TMEM132C: variants seen among roughly 807,000 people sequenced by gnomAD.
TMEM132C encodes the protein protein phosphatase 1, regulatory subunit 152.
Under a neutral mutation model 61.4 loss-of-function variants are expected in TMEM132C, and 29 were observed. The observed-to-expected ratio is 0.47, with a 90% CI of 0.35 to 0.64. The LOEUF is 0.64. Ranked by LOEUF, TMEM132C falls within the 30% of genes least tolerant of loss-of-function variation. The pLI, the probability that TMEM132C is intolerant of heterozygous loss-of-function variation, is 0.00. For missense variants in TMEM132C, 1,408 were observed against 1,476.9 expected, an observed-to-expected ratio of 0.95 and a Z score of 0.76; for synonymous variants, 656 against 633.1, an observed-to-expected ratio of 1.04 and a Z score of -0.54.
chr12:128,423,664 G>A (rs1038168675), intron 2 of TMEM132C, among the ~76,000 whole-genome samples: 3 of 151,992 alleles, frequency 2.0e-5, no homozygotes, highest in African/African-American at 7.3e-5. Context: ...GAACCCAGGA[G>A]TTCAAGTCCA....
intron 1 of TMEM132C, among the ~76,000 whole-genome samples, chr12:128,330,240 C>T (rs906466406): frequency 6.6e-6 from 1 of 152,248 alleles, no homozygotes; most frequent in Non-Finnish European, 1.5e-5. Flanking sequence ...CCAGTCACAA[C>T]AGCCCACATC....
intron 3 of TMEM132C, among the ~76,000 whole-genome samples, chr12:128,547,127 C>T (rs969427812): frequency 3.9e-5 from 6 of 152,212 alleles, no homozygotes; most frequent in Non-Finnish European, 4.4e-5. Flanking sequence ...GCAATGGTGT[C>T]GCCCTTCCTG....
rs1292877144 is a variant in TMEM132C, at chr12:128,278,198, G to T, written c.85+10711G>T. The stretch of plus-strand genomic sequence containing the variant: ...ATCTCAGGGGAAGTCTATGTTTCGG[G>T]GCATTTGTTCTGCTCCGGCTTTGTT... On this transcript the variant is annotated intron_variant, in intron 1 of 8. Coordinates refer to ENST00000435159, the MANE Select transcript of TMEM132C (RefSeq NM_001136103.3). The surrounding 1 kb of genome is among the most constrained non-coding windows in gnomAD (Gnocchi z 4.2). Among the ~76,000 whole-genome samples, 1 of 152,104 alleles carries T rather than the reference G, an allele frequency of 6.6e-6. No homozygotes were observed. The highest frequency in any genetic ancestry group is 2.4e-5 in the African/African-American group (1 of 41,424).
At chr12:128,316,328 C>T (rs896063615) in intron 1 of TMEM132C, among the ~76,000 whole-genome samples, 4 of 152,120 alleles carry the variant, frequency 2.6e-5, no homozygotes, top group African/African-American at 4.8e-5. Context: ...ACCACTGGGG[C>T]GAGGTTCCCT....
intron 4 of TMEM132C, among the ~76,000 whole-genome samples, chr12:128,621,835 G>C (rs1821271881): frequency 1.3e-5 from 2 of 152,156 alleles, no homozygotes; most frequent in Admixed American, 1.3e-4. Context: ...ACAGCTCCCA[G>C]CTGGGACTAG....
intron 5 of TMEM132C, among the ~76,000 whole-genome samples, chr12:128,687,920 G>A (rs12309317): frequency 0.14 from 21,890 of 152,064 alleles, 1,614 homozygotes; most frequent in Middle Eastern, 0.21. Flanking sequence ...ATGCTTTCCC[G>A]GCTCACACTG....
intron 3 of TMEM132C, among the ~76,000 whole-genome samples, chr12:128,605,787 T>C (rs947710169): frequency 2.6e-5 from 4 of 152,170 alleles, no homozygotes; most frequent in Non-Finnish European, 5.9e-5. Context: ...CAAGGTTGGT[T>C]TCCCACGCTG....
chr12:128,618,725 C>A (rs1565993370), intron 4 of TMEM132C, among the ~76,000 whole-genome samples: 1 of 152,184 alleles, frequency 6.6e-6, no homozygotes, highest in East Asian at 1.9e-4. Context: ...CCATGTAAGA[C>A]ATGCTTTTTG....
At chr12:128,600,622 G>A (rs942186444) in intron 3 of TMEM132C, among the ~76,000 whole-genome samples, 2 of 152,158 alleles carry the variant, frequency 1.3e-5, no homozygotes, top group African/African-American at 4.8e-5. Flanking sequence ...GAGCAGAGCA[G>A]CCCCAAGACT....
At chr12:128,316,951 A>G (rs1208304069) in intron 1 of TMEM132C, among the ~76,000 whole-genome samples, 1 of 152,144 alleles carries the variant, frequency 6.6e-6, no homozygotes, top group Non-Finnish European at 1.5e-5. Context: ...GACCTTAACA[A>G]TATATCCATG....
At chr12:128,327,690 G>T (rs962895900) in intron 1 of TMEM132C, among the ~76,000 whole-genome samples, 1 of 152,056 alleles carries the variant, frequency 6.6e-6, no homozygotes, top group African/African-American at 2.4e-5. Flanking sequence ...GCTGCAGCTT[G>T]GTTTTATACA....
intron 3 of TMEM132C, among the ~76,000 whole-genome samples, chr12:128,588,840 T>C (rs1875645021): frequency 6.6e-6 from 1 of 152,178 alleles, no homozygotes; most frequent in Non-Finnish European, 1.5e-5. Flanking sequence ...GTTTCTGTGG[T>C]TGATAAGTCA....
chr12:128,382,680 G>A (rs1448311046), intron 1 of TMEM132C, among the ~76,000 whole-genome samples: 1 of 152,096 alleles, frequency 6.6e-6, no homozygotes, highest in South Asian at 2.1e-4. Context: ...TGTTTCTAGA[G>A]TCTTCCTTTC....
chr12:128,309,971 C>T (rs911211936), intron 1 of TMEM132C, among the ~76,000 whole-genome samples: 9 of 152,044 alleles, frequency 5.9e-5, no homozygotes, highest in East Asian at 5.8e-4. Flanking sequence ...CCTGACCTCA[C>T]GTGATCCTCC....
intron 1 of TMEM132C, among the ~76,000 whole-genome samples, chr12:128,293,455 T>A (rs1263716654): frequency 3.3e-5 from 5 of 151,060 alleles, no homozygotes; most frequent in Admixed American, 1.3e-4. Context: ...TGTATTTATT[T>A]CTAGAGCTAC....
At chr12:128,608,661 A>G (rs1201378493) in intron 3 of TMEM132C, among the ~76,000 whole-genome samples, 3 of 152,264 alleles carry the variant, frequency 2.0e-5, no homozygotes, top group East Asian at 3.8e-4. Context: ...AATTCTCCAC[A>G]TTGACAACAC....
intron 2 of TMEM132C, among the ~76,000 whole-genome samples, chr12:128,505,744 T>C (rs7306937): frequency 0.014 from 2,126 of 152,278 alleles, 34 homozygotes; most frequent in African/African-American, 0.044. Context: ...GGCTACTCAA[T>C]GTCAATTGAG....
chr12:128,665,470 C>G (rs1954450893), intron 4 of TMEM132C, among the ~76,000 whole-genome samples: 1 of 150,890 alleles, frequency 6.6e-6, no homozygotes. Flanking sequence ...CACACACAAA[C>G]ATAGGCGCAC....
At chr12:128,535,607 G>A (rs920681404) in intron 2 of TMEM132C, among the ~76,000 whole-genome samples, 5 of 152,268 alleles carry the variant, frequency 3.3e-5, no homozygotes, top group East Asian at 1.9e-4. Context: ...AGTGGCTCAC[G>A]CCTGTAATCC....
Sources: allele counts gnomAD v4.1 joint callset (sites outside exome capture counted in the v4.1 genomes callset), GRCh38; gene constraint gnomAD v4.1.1; non-coding constraint Gnocchi (gnomAD v3.1); transcripts MANE v1.5; gene names NCBI Gene and HGNC (gene_info 2026-07-23, HGNC 2026-07-21).